QTMAN: variants seen among roughly 807,000 people sequenced by gnomAD.
QTMAN encodes the protein queuosine-tRNA mannosyltransferase.
chr2:144,215,174 T>G, the QTMAN span, among the ~76,000 whole-genome samples: 4 of 151,890 alleles, frequency 2.6e-5, no homozygotes, highest in Non-Finnish European at 5.9e-5. Context: ...CCCAGGAGTT[T>G]GAAGTTACAG....
At chr2:144,321,473 A>T in the QTMAN span, among the ~76,000 whole-genome samples, 3 of 152,364 alleles carry the variant, frequency 2.0e-5, no homozygotes, top group African/African-American at 7.2e-5. Flanking sequence ...CCCATCTGTA[A>T]TTCATATTAC....
the QTMAN span, among the ~76,000 whole-genome samples, chr2:143,983,966 T>C: frequency 6.6e-6 from 1 of 152,190 alleles, no homozygotes; most frequent in Non-Finnish European, 1.5e-5. Context: ...CTTCTCAGGA[T>C]TGCACCTCTA....
At chr2:144,249,435 A>T in the QTMAN span, among the ~76,000 whole-genome samples, 1 of 152,210 alleles carries the variant, frequency 6.6e-6, no homozygotes, top group Non-Finnish European at 1.5e-5. Flanking sequence ...AATGTTATGA[A>T]GTAAAGAGCT....
chr2:144,098,347 T>C, the QTMAN span, among the ~76,000 whole-genome samples: 28 of 152,200 alleles, frequency 1.8e-4, no homozygotes, highest in Non-Finnish European at 5.9e-5. Context: ...GTAAAGTACA[T>C]AGAAGGACGC....
the QTMAN span, among the ~76,000 whole-genome samples, chr2:144,175,627 A>T: frequency 6.6e-6 from 1 of 151,564 alleles, no homozygotes; most frequent in Non-Finnish European, 1.5e-5. Flanking sequence ...ATATATATAG[A>T]GAGATATTTA....
the QTMAN span, among the ~76,000 whole-genome samples, chr2:144,297,233 C>T: frequency 6.6e-6 from 1 of 152,140 alleles, no homozygotes; most frequent in Admixed American, 6.5e-5. Context: ...GTCAATTTTA[C>T]CTACAAGAAA....
chr2:144,170,931 C>T, the QTMAN span, among the ~76,000 whole-genome samples: 3 of 152,068 alleles, frequency 2.0e-5, no homozygotes, highest in African/African-American at 7.2e-5. Context: ...CTTCATCTGT[C>T]CTACTGTCCT....
the QTMAN span, among the ~76,000 whole-genome samples, chr2:144,065,632 C>T: frequency 3.9e-5 from 6 of 152,212 alleles, no homozygotes; most frequent in South Asian, 1.2e-3. Flanking sequence ...TTGTACTATC[C>T]CTTGGTACCT....
At chr2:144,147,394 T>A in the QTMAN span, among the ~76,000 whole-genome samples, 305 of 151,870 alleles carry the variant, frequency 2.0e-3, 1 homozygote, top group African/African-American at 7.0e-3. Context: ...CACTACCACA[T>A]ATAAGCCTCT....
At chr2:144,101,699 A>G in the QTMAN span, among the ~76,000 whole-genome samples, 2 of 152,004 alleles carry the variant, frequency 1.3e-5, no homozygotes, top group Non-Finnish European at 2.9e-5. Flanking sequence ...ATAAATATAT[A>G]TAATATCAAT....
the QTMAN span, among the ~76,000 whole-genome samples, chr2:144,070,255 ATAAGTCATTCTTC>A: frequency 6.6e-6 from 1 of 152,118 alleles, no homozygotes; most frequent in African/African-American, 2.4e-5. Flanking sequence ...ATTCTTACAA[ATAAGTCATTCTTC>A]TAAAATATTT....
chr2:144,054,023 TA>T, the QTMAN span, among the ~76,000 whole-genome samples: 2 of 151,104 alleles, frequency 1.3e-5, no homozygotes, highest in Non-Finnish European at 3.0e-5. Flanking sequence ...CCGTCTCTAC[TA>T]AAAAATACAA....
At chr2:144,204,541 G>T in the QTMAN span, among the ~76,000 whole-genome samples, 8 of 152,212 alleles carry the variant, frequency 5.3e-5, no homozygotes, top group African/African-American at 1.4e-4. Context: ...TTACACTGTT[G>T]TTGGGACTGT....
the QTMAN span, among the ~76,000 whole-genome samples, chr2:144,305,051 T>C: frequency 6.6e-6 from 1 of 152,170 alleles, no homozygotes; most frequent in Non-Finnish European, 1.5e-5. Context: ...TGTGTGTTGG[T>C]TTTTTTCACT....
the QTMAN span, among the ~76,000 whole-genome samples, chr2:143,986,322 T>C: frequency 3.9e-5 from 6 of 152,220 alleles, no homozygotes; most frequent in African/African-American, 1.2e-4. Flanking sequence ...CAGGAATTCA[T>C]TCGATGGAGG....
the QTMAN span, among the ~76,000 whole-genome samples, chr2:144,123,134 C>T: frequency 1.3e-5 from 2 of 152,032 alleles, no homozygotes; most frequent in African/African-American, 4.8e-5. Flanking sequence ...ATTTAAAAGC[C>T]ATATAAGTAG....
At chr2:144,140,108 T>A in the QTMAN span, among the ~76,000 whole-genome samples, 1 of 152,048 alleles carries the variant, frequency 6.6e-6, no homozygotes, top group African/African-American at 2.4e-5. Context: ...TGAGTTTGGG[T>A]TGCATAAAGC....
At chr2:144,109,821 C>T in the QTMAN span, among the ~76,000 whole-genome samples, 1 of 152,072 alleles carries the variant, frequency 6.6e-6, no homozygotes, top group African/African-American at 2.4e-5. Flanking sequence ...CAGAGAAATG[C>T]AAATCAAAAC....
the QTMAN span, among the ~76,000 whole-genome samples, chr2:144,178,072 G>A: frequency 1.6e-4 from 24 of 152,240 alleles, no homozygotes; most frequent in Admixed American, 1.2e-3. Flanking sequence ...GTTCACCACC[G>A]TTTATCCAGT....
Sources: allele counts gnomAD v4.1 joint callset (sites outside exome capture counted in the v4.1 genomes callset), GRCh38; gene constraint gnomAD v4.1.1; transcripts MANE v1.5; gene names NCBI Gene and HGNC (gene_info 2026-07-23, HGNC 2026-07-21).